The following DPYD variants were observed in gnomAD, a reference collection of about 807,000 sequenced individuals.
DPYD encodes dihydropyrimidine dehydrogenase.
Under a neutral mutation model 116.2 loss-of-function variants are expected in DPYD, and 109 were observed. The observed-to-expected ratio is 0.94, with a 90% CI of 0.80 to 1.10. The LOEUF (loss-of-function observed/expected upper bound fraction) is 1.10, where lower values mean the gene tolerates loss of function less well. DPYD is among the 50% of genes least tolerant of loss of function. The pLI is 0.00. For missense variants in DPYD, 1,302 were observed against 1,254.5 expected, an observed-to-expected ratio of 1.04 and a Z score of -0.57; for synonymous variants, 440 against 432.0, an observed-to-expected ratio of 1.02 and a Z score of -0.23.
intron 20 of DPYD, among the ~76,000 whole-genome samples, chr1:97,107,403 T>G (rs1651247946): frequency 6.6e-6 from 1 of 152,106 alleles, no homozygotes; most frequent in Non-Finnish European, 1.5e-5. Flanking sequence ...TTCCTTGCAT[T>G]CTAAAGGACC....
In DPYD at chr1:97,286,060, G is replaced by A. The variant is rs538965486; in HGVS notation, c.2299+19199C>T. Among the ~76,000 whole-genome samples, 337 of 152,242 alleles carry A rather than the reference G, an allele frequency of 2.2e-3. 3 individuals carry two copies. The highest frequency in any genetic ancestry group is 3.6e-3 in the Non-Finnish European group (246 of 68,026). On this transcript the variant is annotated intron_variant, in intron 18 of 22. Coordinates refer to ENST00000370192, the MANE Select transcript of DPYD (RefSeq NM_000110.4). ...GCATGATTTTGCAGTGGCTGGAACC[G>A]GTTGTTCCTTTCCATGTTTAGCGCT... is the stretch of plus-strand genomic sequence containing the variant.
chr1:97,852,651 C>G (rs878957722), intron 2 of DPYD, among the ~76,000 whole-genome samples: 1 of 152,112 alleles, frequency 6.6e-6, no homozygotes, highest in Admixed American at 6.6e-5. Context: ...TCGTCTTACT[C>G]AAATTCAACT....
At chr1:97,098,115 G>A (rs1650398641) in intron 21 of DPYD, among the ~76,000 whole-genome samples, 1 of 152,048 alleles carries the variant, frequency 6.6e-6, no homozygotes, top group African/African-American at 2.4e-5. Context: ...ATATTGATGT[G>A]CTTATTGATA....
At chr1:97,629,795 C>A (rs1316824541) in intron 8 of DPYD, among the ~76,000 whole-genome samples, 1 of 151,990 alleles carries the variant, frequency 6.6e-6, no homozygotes, top group African/African-American at 2.4e-5. Flanking sequence ...TTAGACAATG[C>A]TATGATCTAT....
chr1:97,742,901 C>T (rs111860739), intron 3 of DPYD, among the ~76,000 whole-genome samples: 1 of 152,084 alleles, frequency 6.6e-6, no homozygotes, highest in African/African-American at 2.4e-5. Flanking sequence ...ATATATGGCA[C>T]ATCATATGGA....
intron 3 of DPYD, among the ~76,000 whole-genome samples, chr1:97,773,858 C>A (rs1440475862): frequency 6.6e-6 from 1 of 152,178 alleles, no homozygotes; most frequent in Non-Finnish European, 1.5e-5. Flanking sequence ...ACCCATCTTC[C>A]AAGCCCACAT....
At chr1:97,412,913 A>G (rs1674090148) in intron 14 of DPYD, among the ~76,000 whole-genome samples, 1 of 152,218 alleles carries the variant, frequency 6.6e-6, no homozygotes, top group Admixed American at 6.5e-5. Flanking sequence ...ACGAGTCATC[A>G]TAGTAGAATG....
chr1:97,691,941 T>C, intron 6 of DPYD, 143 bp from the exon 7 acceptor site: 1 of 690,632 alleles, frequency 1.4e-6, no homozygotes, highest in Non-Finnish European at 2.6e-6. Context: ...ACACAAGATA[T>C]GCATGAGGAC....
chr1:97,750,607 C>G (rs957929730), intron 3 of DPYD, among the ~76,000 whole-genome samples: 1 of 152,110 alleles, frequency 6.6e-6, no homozygotes, highest in Non-Finnish European at 1.5e-5. Flanking sequence ...ATTGACCAGG[C>G]AAAAGCAAAC....
intron 5 of DPYD, among the ~76,000 whole-genome samples, chr1:97,706,985 C>T (rs1662000864): frequency 6.6e-6 from 1 of 152,084 alleles, no homozygotes; most frequent in South Asian, 2.1e-4. Flanking sequence ...TCCTATTTCT[C>T]CTAATCCTGT....
At chr1:97,680,762 A>C (rs928159788) in intron 7 of DPYD, among the ~76,000 whole-genome samples, 2 of 152,168 alleles carry the variant, frequency 1.3e-5, no homozygotes, top group African/African-American at 4.8e-5. Flanking sequence ...GAAACTGTTA[A>C]GATATCTGCA....
intron 21 of DPYD, among the ~76,000 whole-genome samples, chr1:97,086,615 T>G (rs1447743882): frequency 6.6e-6 from 1 of 152,224 alleles, no homozygotes; most frequent in East Asian, 1.9e-4. Context: ...CAGTTTCTAC[T>G]GCATGCCTAT....
intron 1 of DPYD, among the ~76,000 whole-genome samples, chr1:97,887,713 G>C (rs1336338453): frequency 6.6e-6 from 1 of 151,750 alleles, no homozygotes; most frequent in Non-Finnish European, 1.5e-5. Context: ...CTTTGATATG[G>C]TTTAGCTGCA....
chr1:97,382,530 AT>A, intron 14 of DPYD, 69 bp from the exon 15 acceptor site: 1 of 808,812 alleles, frequency 1.2e-6, no homozygotes, highest in Non-Finnish European at 1.9e-6. Flanking sequence ...ATATATTAAT[AT>A]TTACATAAAT....
chr1:97,151,851 C>T (rs1023678860), intron 20 of DPYD, among the ~76,000 whole-genome samples: 1 of 152,068 alleles, frequency 6.6e-6, no homozygotes, highest in African/African-American at 2.4e-5. Flanking sequence ...AAATTAAAAA[C>T]ATACTAATGG....
At chr1:97,425,237 A>G (rs1447994248) in intron 14 of DPYD, among the ~76,000 whole-genome samples, 1 of 152,086 alleles carries the variant, frequency 6.6e-6, no homozygotes, top group Non-Finnish European at 1.5e-5. Context: ...AAACAAATAA[A>G]AAATATCTGC....
chr1:97,741,055 C>T (rs556645385), intron 3 of DPYD, among the ~76,000 whole-genome samples: 2 of 152,034 alleles, frequency 1.3e-5, no homozygotes, highest in Non-Finnish European at 2.9e-5. Context: ...AGATCCATAC[C>T]CTTCAGGACC....
chr1:97,896,725 G>A (rs1488041822), intron 1 of DPYD, among the ~76,000 whole-genome samples: 4 of 151,794 alleles, frequency 2.6e-5, no homozygotes, highest in African/African-American at 9.7e-5. Context: ...CAAACCTCCA[G>A]ATTTAAGCAC....
chr1:97,450,386 G>T (rs1676348155), intron 13 of DPYD, among the ~76,000 whole-genome samples, 163 bp from the exon 14 acceptor site: 1 of 151,924 alleles, frequency 6.6e-6, no homozygotes, highest in Non-Finnish European at 1.5e-5. Flanking sequence ...TAAACTACTT[G>T]CAAATAAAAA....
Sources: gnomAD v4.1 joint callset for allele counts (sites outside exome capture counted in the v4.1 genomes callset) on GRCh38, gnomAD v4.1.1 for gene constraint, MANE v1.5 for transcripts, NCBI Gene and HGNC (gene_info 2026-07-23, HGNC 2026-07-21) for gene names.